ASIC2: variants seen among roughly 807,000 people sequenced by gnomAD.
ASIC2 encodes the protein acid sensing ion channel subunit 2.
In ASIC2, 25 loss-of-function variants were observed where a neutral mutation model predicts 57.3. The observed-to-expected ratio is 0.44, with a 90% CI of 0.32 to 0.61. The LOEUF (loss-of-function observed/expected upper bound fraction) is 0.61, where lower values mean the gene tolerates loss of function less well. Ranked by LOEUF, ASIC2 falls within the 20% of genes least tolerant of loss-of-function variation. The probability of loss-of-function intolerance (pLI) is 0.06; values close to 1 mark genes in which losing one functional copy is unlikely to be tolerated. For missense variants in ASIC2, 641 were observed against 738.1 expected (o/e 0.87, Z 1.52); for synonymous variants, 319 against 307.5 (o/e 1.04, Z -0.39).
intron 1 of ASIC2, chr17:34,001,496 T>C (rs1277367752): frequency 2.0e-5 from 3 of 152,530 alleles, no homozygotes; most frequent in Non-Finnish European, 4.4e-5. Context: ...GAGGTGGTCC[T>C]AGCAACTGGG....
At position 34,011,011 on chromosome 17, in the gene ASIC2, C is replaced by CAT. The variant is rs1567786785; in HGVS notation, c.555+144966_555+144967insAT. Among the ~76,000 whole-genome samples the CAT allele has an allele frequency of 7.2e-3, 19 of 2,642 alleles. 2 individuals carry two copies. The highest frequency in any genetic ancestry group is 0.038 in the African/African-American group (18 of 468). 1.7% of individuals were successfully genotyped at this position (2,642 alleles called of 152,430 possible). Reference sequence around the variant, plus strand: ...ACCTCTAGTCAGACACACACACACACAGATGCCAAAGTCAGACACATGCAC... The same window carrying CAT: ...ACCTCTAGTCAGACACACACACACACATAGATGCCAAAGTCAGACACATGCAC... On this transcript the variant is annotated intron_variant, in intron 1 of 9. Transcript: ENST00000359872.
chr17:33,615,624 TG>T (rs1347199770), intron 1 of ASIC2, among the ~76,000 whole-genome samples: 4 of 152,218 alleles, frequency 2.6e-5, no homozygotes, highest in Non-Finnish European at 4.4e-5. Flanking sequence ...TTTTAACTTC[TG>T]GGGTTTAGAT....
At chr17:33,171,360 A>T (rs1165211668) in intron 1 of ASIC2, among the ~76,000 whole-genome samples, 4 of 152,198 alleles carry the variant, frequency 2.6e-5, no homozygotes, top group African/African-American at 9.7e-5. Flanking sequence ...AGGCTCCTCA[A>T]ACTCAACATG....
intron 1 of ASIC2, among the ~76,000 whole-genome samples, chr17:33,446,472 A>C (rs139273394): frequency 1.0e-3 from 158 of 152,272 alleles, no homozygotes; most frequent in African/African-American, 3.2e-3. Context: ...GGCCGGCTGA[A>C]ATCAGAATGT....
intron 1 of ASIC2, among the ~76,000 whole-genome samples, chr17:33,861,907 G>C (rs1267316819): frequency 6.6e-6 from 1 of 152,100 alleles, no homozygotes; most frequent in African/African-American, 2.4e-5. Flanking sequence ...GCAGGTGGGA[G>C]ACCGTGGCAA....
intron 1 of ASIC2, among the ~76,000 whole-genome samples, chr17:33,656,062 C>T (rs539344727): frequency 1.3e-5 from 2 of 152,146 alleles, no homozygotes; most frequent in Admixed American, 6.5e-5. Flanking sequence ...ACATTTACCC[C>T]AGAAGAGCCA....
chr17:33,381,574 G>C (rs929302265), intron 1 of ASIC2, among the ~76,000 whole-genome samples: 2 of 152,234 alleles, frequency 1.3e-5, no homozygotes, highest in African/African-American at 4.8e-5. Context: ...TGTGCCCCGG[G>C]GGGGCACTGA....
At chr17:33,685,114 G>C (rs78874919) in intron 1 of ASIC2, among the ~76,000 whole-genome samples, 6 of 152,270 alleles carry the variant, frequency 3.9e-5, no homozygotes, top group South Asian at 2.1e-4. Flanking sequence ...TTCCCCCTGG[G>C]GGGGCTTAGT....
At chr17:33,369,679 T>A (rs979606090) in intron 1 of ASIC2, among the ~76,000 whole-genome samples, 1 of 152,162 alleles carries the variant, frequency 6.6e-6, no homozygotes, top group Admixed American at 6.5e-5. Flanking sequence ...AAAGGGGCAG[T>A]GGGACTATAT....
chr17:33,905,279 G>T (rs1302605172), intron 1 of ASIC2, among the ~76,000 whole-genome samples: 1 of 150,384 alleles, frequency 6.6e-6, no homozygotes, highest in African/African-American at 2.4e-5. Flanking sequence ...TGGCTCTAAA[G>T]CTCCTGCTTT....
chr17:33,361,960 C>A (rs573246235), intron 1 of ASIC2, among the ~76,000 whole-genome samples: 1 of 152,310 alleles, frequency 6.6e-6, no homozygotes, highest in South Asian at 2.1e-4. Flanking sequence ...CCAATGACTT[C>A]TTTATTTCTC....
Position 33,596,217 on chromosome 17 carries a change from C to G in ASIC2, c.556-484150G>C, listed in dbSNP as rs543909373. Among the ~76,000 whole-genome samples, 484 of 152,310 alleles carry G rather than the reference C, an allele frequency of 3.2e-3. 4 individuals carry two copies. Among genetic ancestry groups the G allele is most frequent in the Admixed American group, 4.6e-3 (70 of 15,300 alleles). On this transcript the variant is annotated intron_variant, in intron 1 of 9. Transcript: ENST00000359872. ...TTTGGGGGTGGTTCTCTTCCTCTCT[C>G]TCTTCTCCTTCCTCTAATTATCAAC...
chr17:33,454,737 G>A (rs1912389194), intron 1 of ASIC2, among the ~76,000 whole-genome samples: 1 of 152,178 alleles, frequency 6.6e-6, no homozygotes, highest in Non-Finnish European at 1.5e-5. Flanking sequence ...AGAATTCCAA[G>A]ATCAAGGCAC....
intron 9 of ASIC2, 69 bp downstream of exon 9, chr17:33,015,902 C>G: frequency 1.3e-6 from 2 of 1,543,838 alleles, no homozygotes; most frequent in South Asian, 2.3e-5. Flanking sequence ...CCGGCCCCAG[C>G]ATCTGGTTTT....
chr17:33,111,934 G>T lies in ASIC2; in HGVS notation c.842C>A (p.Pro281His). The T allele has an allele frequency of 6.2e-7, 1 of 1,613,098 alleles. No homozygotes were observed. Residue 281 changes from proline (P) to histidine (H), a missense_variant, in exon 2 of 10, where the codon CCC (proline) becomes CAC (histidine). Physicochemically the swap from Pro to His is moderately conservative, Grantham distance 77 (BLOSUM62 -2). This residue lies in a region of ASIC2 where 382 missense variants were observed against 398.0 expected (regional missense o/e 0.96). Coordinates refer to ENST00000225823, the MANE Select transcript of ASIC2 (RefSeq NM_183377.2). ...CAGCTCACCTGTCTCTCCCCAGATG[G>T]GCAGGTACTCATCCTGCTGAATGTC... The part of the protein sequence containing the change: ...MLDIQQDEYL[P>H]IWGETEETTF...
rs527592495 is a variant in ASIC2, at chr17:33,911,907, G to A, written c.555+244071C>T. Among the ~76,000 whole-genome samples the A allele has an allele frequency of 5.3e-5, 8 of 152,228 alleles. No individual in the cohort carries two copies. The South Asian group carries it at 6.2e-4, about 12-fold the overall frequency. ...TGTAATCCCAGCAGTTTGGGAGGCCGAGGTGGGCAGATCACCTGAGGTCGG... is the reference window on the plus strand; with the variant it reads ...TGTAATCCCAGCAGTTTGGGAGGCCAAGGTGGGCAGATCACCTGAGGTCGG... On this transcript the variant is annotated intron_variant, in intron 1 of 9. Transcript: ENST00000359872.
chr17:33,112,154 C>G (rs554297751), intron 1 of ASIC2, 87 bp from the exon 2 acceptor site: 3 of 1,444,110 alleles, frequency 2.1e-6, no homozygotes, highest in Admixed American at 2.3e-5. Flanking sequence ...AGAAATCTGA[C>G]AGCAGGTCAG....
chr17:33,501,531 G>C (rs1307676946), intron 1 of ASIC2, among the ~76,000 whole-genome samples: 1 of 152,190 alleles, frequency 6.6e-6, no homozygotes, highest in Admixed American at 6.5e-5. Flanking sequence ...AAACCTGTTA[G>C]TGCTAAGGTC....
At chr17:33,100,342 T>A (rs1166750129) in intron 2 of ASIC2, 2 of 152,780 alleles carry the variant, frequency 1.3e-5, no homozygotes, top group African/African-American at 4.8e-5. Context: ...CTGGTCCTCA[T>A]TCCCTTCCCT....
Sources: allele counts gnomAD v4.1 joint callset (sites outside exome capture counted in the v4.1 genomes callset), GRCh38; gene constraint gnomAD v4.1.1; regional missense constraint gnomAD v4.1.1; transcripts MANE v1.5; gene names NCBI Gene and HGNC (gene_info 2026-07-23, HGNC 2026-07-21).